The following LARS2 variants were observed in gnomAD, a reference collection of about 807,000 sequenced individuals.
LARS2 encodes leucyl-tRNA synthetase 2, mitochondrial.
In LARS2, 81 loss-of-function variants were observed where a neutral mutation model predicts 116.6. The observed-to-expected ratio is 0.69, with a 90% CI of 0.58 to 0.84. The LOEUF is 0.84. Among genes scored for constraint, LARS2 ranks in the 40% least tolerant of loss-of-function variants. The probability of loss-of-function intolerance (pLI) is 0.00; values close to 1 mark genes in which losing one functional copy is unlikely to be tolerated. For synonymous variants in LARS2, 396 were observed against 407.2 expected (o/e 0.97, Z 0.33); for missense variants, 968 against 1,114.5 (o/e 0.87, Z 1.87).
At chr3:45,503,973 A>T (rs1700161756) in intron 15 of LARS2, among the ~76,000 whole-genome samples, 1 of 151,810 alleles carries the variant, frequency 6.6e-6, no homozygotes. Context: ...GTTTTTATTG[A>T]TATAGTCATT....
chr3:45,535,653 C>T (rs1433030257), intron 20 of LARS2, among the ~76,000 whole-genome samples: 2 of 151,934 alleles, frequency 1.3e-5, no homozygotes, highest in Non-Finnish European at 2.9e-5. Context: ...AAAAGAGTGG[C>T]GCTAGGGAGC....
rs543841061 is a variant in LARS2 at position 45,491,806 on chromosome 3, G to T, written c.1523+6G>T. ...GTGAACTGCTCCTGCCCAAGGTAAG[G>T]AGCCACATCCCTGCAGTGGTGACTG... On this transcript the variant is annotated splice_donor_region_variant and intron_variant, in intron 13 of 21. Coordinates refer to ENST00000645846, the MANE Select transcript of LARS2 (RefSeq NM_015340.4). 1.4e-5 allele frequency: 23 copies of T among 1,612,504 alleles called. No homozygotes were observed. The East Asian group carries it at 4.7e-4, about 33-fold the overall frequency.
chr3:45,529,285 C>T (rs1010819965), intron 20 of LARS2, among the ~76,000 whole-genome samples: 6 of 151,942 alleles, frequency 3.9e-5, no homozygotes, highest in Non-Finnish European at 7.4e-5. Flanking sequence ...GCTAAGTAGC[C>T]GCCGGGCACG....
intron 8 of LARS2, among the ~76,000 whole-genome samples, chr3:45,470,595 G>A (rs954960074): frequency 1.3e-5 from 2 of 152,110 alleles, no homozygotes; most frequent in Non-Finnish European, 2.9e-5. Context: ...TAGGCCAAAT[G>A]GCAACCACAG....
intron 7 of LARS2, among the ~76,000 whole-genome samples, chr3:45,455,729 T>C (rs909648421): frequency 6.6e-6 from 1 of 152,080 alleles, no homozygotes; most frequent in Non-Finnish European, 1.5e-5. Flanking sequence ...GTAGCCAAGA[T>C]ATGGAATCAA....
At chr3:45,465,095 C>T (rs973513239) in intron 8 of LARS2, among the ~76,000 whole-genome samples, 1 of 152,156 alleles carries the variant, frequency 6.6e-6, no homozygotes, top group African/African-American at 2.4e-5. Context: ...AGCCCTCAGC[C>T]TCCCTGCCAG....
intron 20 of LARS2, among the ~76,000 whole-genome samples, chr3:45,527,302 G>A (rs1332621056): frequency 6.6e-6 from 1 of 152,172 alleles, no homozygotes; most frequent in Non-Finnish European, 1.5e-5. Context: ...GTCAGTAAGT[G>A]GGGACAGTTT....
At chr3:45,483,136 G>A (rs1433758165) in intron 10 of LARS2, among the ~76,000 whole-genome samples, 1 of 152,166 alleles carries the variant, frequency 6.6e-6, no homozygotes, top group East Asian at 1.9e-4. Context: ...AGGTACAGGG[G>A]TCAACTGGTA....
chr3:45,531,414 G>C (rs1182312052), intron 20 of LARS2, among the ~76,000 whole-genome samples: 1 of 152,048 alleles, frequency 6.6e-6, no homozygotes, highest in East Asian at 1.9e-4. Flanking sequence ...GTCTCACTCT[G>C]TTGTCCAGGC....
intron 7 of LARS2, among the ~76,000 whole-genome samples, chr3:45,447,447 T>A (rs1699040703): frequency 6.6e-6 from 1 of 152,090 alleles, no homozygotes; most frequent in South Asian, 2.1e-4. Context: ...AAGAAGTGAG[T>A]GGGTCACGAC....
At chr3:45,519,459 C>G (rs1700418448) in intron 18 of LARS2, among the ~76,000 whole-genome samples, 1 of 147,174 alleles carries the variant, frequency 6.8e-6, no homozygotes, top group Admixed American at 6.9e-5. Context: ...CCACTGCACT[C>G]CAACTTGGGT....
At chr3:45,397,229 A>G (rs930256641) in intron 3 of LARS2, among the ~76,000 whole-genome samples, 5 of 152,198 alleles carry the variant, frequency 3.3e-5, no homozygotes, top group Non-Finnish European at 5.9e-5. Flanking sequence ...TTGCTCAATT[A>G]TAACAGAAAC....
At chr3:45,471,556 C>T (rs947297651) in intron 8 of LARS2, among the ~76,000 whole-genome samples, 1 of 152,186 alleles carries the variant, frequency 6.6e-6, no homozygotes, top group Non-Finnish European at 1.5e-5. Context: ...GGTGAATACA[C>T]TAGTGGCTCG....
chr3:45,516,028 A>G, intron 16 of LARS2, 66 bp from the exon 17 acceptor site: 1 of 1,298,922 alleles, frequency 7.7e-7, no homozygotes, highest in Non-Finnish European at 1.1e-6. Flanking sequence ...TTACTTATTG[A>G]TGCTATTTCT....
At chr3:45,501,567 G>A (rs1423958286) in intron 15 of LARS2, among the ~76,000 whole-genome samples, 1 of 152,124 alleles carries the variant, frequency 6.6e-6, no homozygotes, top group Non-Finnish European at 1.5e-5. Context: ...ATAGAACTCA[G>A]TTTATGTATC....
At position 45,428,404 on chromosome 3, in the gene LARS2, C is replaced by T. The variant is rs147145257; in HGVS notation, c.516+8675C>T. ...GACTACAGATGCCTGCCACCACACC[C>T]GGATAATTTTTTTTATATTTTTAGT... is the stretch of plus-strand genomic sequence containing the variant. On this transcript the variant is annotated intron_variant, in intron 6 of 21. Coordinates refer to ENST00000645846, the MANE Select transcript of LARS2 (RefSeq NM_015340.4). Among the ~76,000 whole-genome samples, 88 of 151,970 alleles carry T rather than the reference C, an allele frequency of 5.8e-4. 1 individual carries two copies. The East Asian group carries it at 0.011, about 20-fold the overall frequency.
At chr3:45,436,816 A>G (rs1559468766) in intron 6 of LARS2, among the ~76,000 whole-genome samples, 5 of 151,450 alleles carry the variant, frequency 3.3e-5, no homozygotes, top group African/African-American at 1.2e-4. Context: ...AAAAAAAAAA[A>G]GAAAAGCCGT....
chr3:45,446,659 G>A (rs1699024041), intron 6 of LARS2, among the ~76,000 whole-genome samples: 2 of 152,244 alleles, frequency 1.3e-5, no homozygotes, highest in South Asian at 2.1e-4. Flanking sequence ...AAGACTTGAA[G>A]TTGAGTTTCT....
chr3:45,513,381 C>T lies in LARS2; in HGVS notation c.1861+146C>T. The T allele has an allele frequency of 9.4e-6, 6 of 637,670 alleles. No individual in the cohort carries two copies. The East Asian group carries it at 1.1e-4, about 11-fold the overall frequency. The allele number at this position is 637,670 out of a possible 1,614,324, so 39.5% of individuals were successfully genotyped here. ...TGGCTGTGAGGTCTCTAAGCCTCAG[C>T]TCCCTCTGGGCCTGCGCCCCCTGAA... On this transcript the variant is annotated intron_variant, in intron 16 of 21. Transcript: ENST00000645846.
Sources: gnomAD v4.1 joint callset for allele counts (sites outside exome capture counted in the v4.1 genomes callset) on GRCh38, gnomAD v4.1.1 for gene constraint, MANE v1.5 for transcripts, NCBI Gene and HGNC (gene_info 2026-07-23, HGNC 2026-07-21) for gene names.